The following PCDHGB3 variants were observed in gnomAD, a reference collection of about 807,000 sequenced individuals.
PCDHGB3 encodes the protein protocadherin gamma subfamily B, 3.
In PCDHGB3, 40 loss-of-function variants were observed where a neutral mutation model predicts 59.2. That is an observed-to-expected ratio of 0.68 (90% CI 0.52 to 0.88). The LOEUF (loss-of-function observed/expected upper bound fraction) is 0.88. Ranked by LOEUF, PCDHGB3 falls within the 40% of genes least tolerant of loss-of-function variation. The pLI is 0.00. For synonymous variants in PCDHGB3, 581 were observed against 503.6 expected (o/e 1.15, Z -2.06); for missense variants, 1,309 against 1,187.9 (o/e 1.10, Z -1.50).
intron 1 of PCDHGB3, among the ~76,000 whole-genome samples, chr5:141,470,888 T>C (rs2099243463): frequency 6.6e-6 from 1 of 151,912 alleles, no homozygotes; most frequent in Non-Finnish European, 1.5e-5. Context: ...GTTTTTGTTT[T>C]TGTTTTTTGT....
At chr5:141,394,373 C>G in intron 1 of PCDHGB3, 2 of 1,614,206 alleles carry the variant, frequency 1.2e-6, no homozygotes, top group Non-Finnish European at 8.5e-7. Context: ...TGCAATCTTT[C>G]GACTATGAGC....
chr5:141,450,903 C>T (rs1468232105), intron 1 of PCDHGB3, among the ~76,000 whole-genome samples: 3 of 151,086 alleles, frequency 2.0e-5, no homozygotes, highest in African/African-American at 7.3e-5. Context: ...CGGCTCACTG[C>T]AACCGCTGCC....
At position 141,485,010 on chromosome 5, in the gene PCDHGB3, C is replaced by T; in HGVS notation, c.2416-9797C>T. 1 of 629,958 alleles carries T rather than the reference C, an allele frequency of 1.6e-6. No homozygotes were observed. The highest frequency in any genetic ancestry group is 2.9e-6 in the Non-Finnish European group (1 of 350,608). 39.0% of individuals were successfully genotyped at this position (629,958 alleles called of 1,614,324 possible). On this transcript the variant is annotated intron_variant, in intron 1 of 3. Coordinates refer to ENST00000576222, the MANE Select transcript of PCDHGB3 (RefSeq NM_018924.5). This position sits in a 1 kb window ranked among gnomAD's most constrained non-coding sequence, Gnocchi z 5.7. ...GTGGTGAAAGGCAGACAAATCTACC[C>T]CGCCACCAGCAAAAACGGCGCGTAA...
intron 1 of PCDHGB3, among the ~76,000 whole-genome samples, chr5:141,382,030 T>C (rs953371042): frequency 6.6e-6 from 1 of 151,856 alleles, no homozygotes; most frequent in African/African-American, 2.4e-5. Context: ...GGTTTCTCCA[T>C]GTTGGTCAGG....
intron 1 of PCDHGB3, chr5:141,414,372 A>G: frequency 1.2e-6 from 2 of 1,613,914 alleles, no homozygotes; most frequent in Non-Finnish European, 1.7e-6. Context: ...TTAAATTAGA[A>G]AAGTCCATTG....
chr5:141,432,715 C>T lies in PCDHGB3; in HGVS notation c.2415+59906C>T. 1 of 1,613,996 alleles carries T rather than the reference C, an allele frequency of 6.2e-7. No individual in the cohort carries two copies. The highest frequency in any genetic ancestry group is 8.5e-7 in the Non-Finnish European group (1 of 1,179,970). ...TGGCCGTCCAGGACCACGGCCAGCC[C>T]CCTCTCTCCGCCACTGTCACGCTCA... On this transcript the variant is annotated intron_variant, in intron 1 of 3. Transcript: ENST00000576222. This position sits in a 1 kb window ranked among gnomAD's most constrained non-coding sequence, Gnocchi z 6.0.
At chr5:141,409,652 A>G in intron 1 of PCDHGB3, 1 of 1,613,654 alleles carries the variant, frequency 6.2e-7, no homozygotes, top group Non-Finnish European at 8.5e-7. Flanking sequence ...TTTGGGGCTC[A>G]ATGGCCACAT....
intron 1 of PCDHGB3, chr5:141,375,325 G>T: frequency 6.2e-7 from 1 of 1,613,768 alleles, no homozygotes; most frequent in Non-Finnish European, 8.5e-7. Context: ...ACCGGGAAGA[G>T]GTATTCTTGT....
At chr5:141,457,560 G>A (rs1466753974) in intron 1 of PCDHGB3, among the ~76,000 whole-genome samples, 1 of 152,162 alleles carries the variant, frequency 6.6e-6, no homozygotes, top group African/African-American at 2.4e-5. Flanking sequence ...ATAAGCTTTG[G>A]AGCAAAATTT....
chr5:141,389,789 C>T (rs1437335316), intron 1 of PCDHGB3: 6 of 1,613,328 alleles, frequency 3.7e-6, no homozygotes, highest in Admixed American at 3.3e-5. Flanking sequence ...ACAGGGACGC[C>T]GTCCGCCAGC....
rs750827454 is a variant in PCDHGB3, at chr5:141,394,736, C to T, written c.2415+21927C>T. The stretch of plus-strand genomic sequence containing the variant: ...TGGACAGAGATGCGCTCAAGCAGAG[C>T]CTCGTGGTGGCCGTCCAGGACCATG... On this transcript the variant is annotated intron_variant, in intron 1 of 3. Transcript: ENST00000576222. 13 of 1,613,338 alleles carry T rather than the reference C, an allele frequency of 8.1e-6. No homozygotes were observed. The African/African-American group carries it at 1.5e-4, about 18-fold the overall frequency.
chr5:141,394,855 C>T (rs1201168639), intron 1 of PCDHGB3: 2 of 1,613,778 alleles, frequency 1.2e-6, no homozygotes, highest in African/African-American at 1.3e-5. Context: ...CTGAAGCCTT[C>T]GGTCGACCCG....
intron 1 of PCDHGB3, chr5:141,393,114 C>T (rs750579370): frequency 1.9e-6 from 3 of 1,613,418 alleles, no homozygotes; most frequent in Non-Finnish European, 8.5e-7. Context: ...TCAGAGCCCG[C>T]GGTGTCTGAT....
chr5:141,417,518 G>C (rs193231266), intron 1 of PCDHGB3: 8 of 257,454 alleles, frequency 3.1e-5, no homozygotes, highest in Non-Finnish European at 5.1e-5. Context: ...TATTTTGGCT[G>C]TCAACTCGTA....
At chr5:141,397,279 G>A (rs1208403541) in intron 1 of PCDHGB3, among the ~76,000 whole-genome samples, 1 of 152,168 alleles carries the variant, frequency 6.6e-6, no homozygotes, top group East Asian at 1.9e-4. Context: ...CATATGGGCA[G>A]TATACTTGAA....
At chr5:141,449,467 C>G (rs1356192128) in intron 1 of PCDHGB3, among the ~76,000 whole-genome samples, 1 of 150,842 alleles carries the variant, frequency 6.6e-6, no homozygotes, top group South Asian at 2.1e-4. Flanking sequence ...ATTAGCCAGG[C>G]CTGGTACCCC....
At position 141,399,943 on chromosome 5, in the gene PCDHGB3, C is replaced by A. The variant is rs1334013330; in HGVS notation, c.2415+27134C>A. On this transcript the variant is annotated intron_variant, in intron 1 of 3. Coordinates refer to ENST00000576222, the MANE Select transcript of PCDHGB3 (RefSeq NM_018924.5). Reference sequence around the variant, plus strand: ...CGCCTGGCTGTCCTACCACGTGCTGCAGGCTAGCGAGCCCGGGCTCTTCAG... The same window carrying A: ...CGCCTGGCTGTCCTACCACGTGCTGAAGGCTAGCGAGCCCGGGCTCTTCAG... The A allele has an allele frequency of 3.7e-6, 6 of 1,612,294 alleles. 1 individual carries two copies. The Admixed American group carries it at 1.0e-4, about 27-fold the overall frequency.
chr5:141,403,964 G>T (rs1279237991), intron 1 of PCDHGB3: 1 of 1,613,704 alleles, frequency 6.2e-7, no homozygotes, highest in Non-Finnish European at 8.5e-7. Context: ...CATTTCGGTG[G>T]AAGATGTAAA....
chr5:141,370,314 T>A lies in PCDHGB3; in HGVS notation c.-81T>A. 4 of 1,280,798 alleles carry A rather than the reference T, an allele frequency of 3.1e-6. No individual in the cohort carries two copies. The highest frequency in any genetic ancestry group is 4.3e-6 in the Non-Finnish European group (4 of 930,904). 79.3% of individuals were successfully genotyped at this position (1,280,798 alleles called of 1,614,324 possible). ...CAAGCACAAAGACAAAGCAAATAGTTGGTCCTGCTCGGAGAACTCTTGGGA... is the reference window on the plus strand; with the variant it reads ...CAAGCACAAAGACAAAGCAAATAGTAGGTCCTGCTCGGAGAACTCTTGGGA... On this transcript the variant is annotated 5_prime_UTR_variant, in exon 1 of 4. Transcript: ENST00000576222.
Sources: allele counts gnomAD v4.1 joint callset (sites outside exome capture counted in the v4.1 genomes callset), GRCh38; gene constraint gnomAD v4.1.1; non-coding constraint Gnocchi (gnomAD v3.1); transcripts MANE v1.5; gene names NCBI Gene and HGNC (gene_info 2026-07-23, HGNC 2026-07-21).